The following TGFA variants were observed in gnomAD, a reference collection of about 807,000 sequenced individuals.
TGFA encodes protransforming growth factor alpha.
In TGFA, 12 loss-of-function variants were observed where a neutral mutation model predicts 21.7. The ratio of observed to expected loss-of-function variants is 0.55; its 90% CI spans 0.35 to 0.90. TGFA has a LOEUF of 0.90. TGFA is among the 40% of genes least tolerant of loss of function. The pLI, the probability that TGFA is intolerant of heterozygous loss-of-function variation, is 0.01. For missense variants in TGFA, 178 were observed against 210.8 expected, an observed-to-expected ratio of 0.84 and a Z score of 0.96; for synonymous variants, 79 against 88.1, an observed-to-expected ratio of 0.90 and a Z score of 0.58.
chr2:70,489,521 T>G (rs533972778), intron 2 of TGFA, among the ~76,000 whole-genome samples: 30 of 152,320 alleles, frequency 2.0e-4, no homozygotes, highest in African/African-American at 6.5e-4. Context: ...GTCACTGATG[T>G]GCTCAAGGAC....
chr2:70,488,723 G>A (rs1385565320), intron 2 of TGFA, among the ~76,000 whole-genome samples: 2 of 152,056 alleles, frequency 1.3e-5, no homozygotes, highest in East Asian at 1.9e-4. Flanking sequence ...TATCCAAACC[G>A]TTAGAGGACT....
At chr2:70,492,299 T>G (rs1671459601) in intron 2 of TGFA, among the ~76,000 whole-genome samples, 1 of 152,150 alleles carries the variant, frequency 6.6e-6, no homozygotes, top group Non-Finnish European at 1.5e-5. Context: ...CCACACCTGG[T>G]GAAGGTGGAG....
chr2:70,500,380 C>A (rs1021092447), intron 2 of TGFA, among the ~76,000 whole-genome samples: 5 of 152,040 alleles, frequency 3.3e-5, no homozygotes, highest in Non-Finnish European at 7.4e-5. Flanking sequence ...ATATTGGTAT[C>A]ATCAAAGCTC....
intron 2 of TGFA, among the ~76,000 whole-genome samples, chr2:70,487,964 G>C (rs1384358630): frequency 1.3e-5 from 2 of 152,092 alleles, no homozygotes; most frequent in African/African-American, 4.8e-5. Context: ...CTTCATAACC[G>C]TTCCAATGCT....
intron 1 of TGFA, among the ~76,000 whole-genome samples, chr2:70,545,910 A>G (rs904408294): frequency 6.6e-6 from 1 of 152,206 alleles, no homozygotes; most frequent in Non-Finnish European, 1.5e-5. Flanking sequence ...CAAGAAAAGG[A>G]TGATCAATCA....
chr2:70,541,403 T>C (rs1553505186), intron 1 of TGFA, among the ~76,000 whole-genome samples: 1 of 152,182 alleles, frequency 6.6e-6, no homozygotes, highest in East Asian at 1.9e-4. Context: ...TATACAAATA[T>C]CTGTATCCTT....
At position 70,553,183 on chromosome 2, in the gene TGFA, C is replaced by T. The variant is rs908993038; in HGVS notation, c.40+545G>A. On this transcript the variant is annotated intron_variant, in intron 1 of 5. Coordinates refer to ENST00000295400, the MANE Select transcript of TGFA (RefSeq NM_003236.4). ...AATCCGCCCAAAAATCCAAAACCTA[C>T]CCCCAAAGCTCAAGAGCTCTGAAAA... 5.2e-6 allele frequency: 8 copies of T among 1,536,002 alleles called. No individual in the cohort carries two copies. The East Asian group carries it at 9.8e-5, about 19-fold the overall frequency.
chr2:70,529,349 G>C (rs1273278679), intron 1 of TGFA, among the ~76,000 whole-genome samples: 1 of 152,228 alleles, frequency 6.6e-6, no homozygotes, highest in Non-Finnish European at 1.5e-5. Context: ...GCACCTTGTG[G>C]AATCTAGGTG....
At chr2:70,521,626 T>TTTTTTTTTTTTTTG in intron 1 of TGFA, among the ~76,000 whole-genome samples, 1 of 129,902 alleles carries the variant, frequency 7.7e-6, no homozygotes, top group Admixed American at 7.5e-5. Flanking sequence ...TGTTTTTTTT[T>TTTTTTTTTTTTTTG]TTTTTTTTTT....
chr2:70,451,742 A>ATAGAT, intron 5 of TGFA: 2 of 701,258 alleles, frequency 2.9e-6, no homozygotes, highest in Non-Finnish European at 2.6e-6. Flanking sequence ...CATTAGCTCA[A>ATAGAT]TAGATTAGCC....
intron 1 of TGFA, among the ~76,000 whole-genome samples, chr2:70,548,561 A>G (rs1673387979): frequency 6.6e-6 from 1 of 151,404 alleles, no homozygotes; most frequent in Admixed American, 6.5e-5. Flanking sequence ...AGCCTTTCAC[A>G]GTAAGGGAAC....
chr2:70,487,525 C>CA (rs1423257359), intron 2 of TGFA, among the ~76,000 whole-genome samples: 1 of 152,090 alleles, frequency 6.6e-6, no homozygotes, highest in African/African-American at 2.4e-5. Flanking sequence ...GGGCATGAAA[C>CA]AAAGTTTTGA....
chr2:70,462,701 C>G (rs1033691576), intron 3 of TGFA, among the ~76,000 whole-genome samples: 2 of 152,254 alleles, frequency 1.3e-5, no homozygotes, highest in South Asian at 4.1e-4. Flanking sequence ...CTAAGAACAG[C>G]GTGGCTCACT....
At chr2:70,473,776 A>G (rs1345040696) in intron 2 of TGFA, among the ~76,000 whole-genome samples, 3 of 152,172 alleles carry the variant, frequency 2.0e-5, no homozygotes, top group African/African-American at 7.2e-5. Context: ...CGATGGATAT[A>G]AAACCATTTG....
chr2:70,482,732 G>C (rs1202384158), intron 2 of TGFA, among the ~76,000 whole-genome samples: 1 of 149,618 alleles, frequency 6.7e-6, no homozygotes, highest in Non-Finnish European at 1.5e-5. Context: ...TTTTTCTCTT[G>C]AGTCTTTATT....
intron 4 of TGFA, among the ~76,000 whole-genome samples, chr2:70,455,272 C>A (rs568725008): frequency 1.3e-5 from 2 of 152,220 alleles, no homozygotes; most frequent in Non-Finnish European, 2.9e-5. Context: ...GGGGCTCTAA[C>A]GGGTGCCTCA....
chr2:70,523,643 C>T (rs1169758084), intron 1 of TGFA, among the ~76,000 whole-genome samples: 1 of 152,216 alleles, frequency 6.6e-6, no homozygotes, highest in African/African-American at 2.4e-5. Flanking sequence ...CCTGCACCTC[C>T]TAATACCCAC....
chr2:70,530,583 C>T lies in TGFA; in HGVS notation c.41-15671G>A, dbSNP rs397897391. 4.3e-3 allele frequency among the ~76,000 whole-genome samples: 608 copies of T among 142,304 alleles called. 3 individuals are homozygous for T. Among genetic ancestry groups the T allele is most frequent in the African/African-American group, 0.018 (568 of 32,036 alleles). 93.4% of individuals were successfully genotyped at this position (142,304 alleles called of 152,430 possible). A position where few individuals can be genotyped will look rare whatever the true frequency, so the allele number is the denominator to read the frequency against. ...ATTCAAAGCCCTCCTGGGCCACAGG[C>T]GGCCCATGGGCCACAGGTTGGACAA... On this transcript the variant is annotated intron_variant, in intron 1 of 5. Transcript: ENST00000295400.
At chr2:70,521,660 G>A (rs1672476283) in intron 1 of TGFA, among the ~76,000 whole-genome samples, 1 of 122,518 alleles carries the variant, frequency 8.2e-6, no homozygotes, top group South Asian at 2.7e-4. Flanking sequence ...TGTCTCCTAG[G>A]CTGGAGTGCA....
Sources: allele counts gnomAD v4.1 joint callset (sites outside exome capture counted in the v4.1 genomes callset), GRCh38; gene constraint gnomAD v4.1.1; transcripts MANE v1.5; gene names NCBI Gene and HGNC (gene_info 2026-07-23, HGNC 2026-07-21).